PAK5: variants seen among roughly 807,000 people sequenced by gnomAD.
PAK5 encodes serine/threonine-protein kinase PAK 5.
A neutral mutation model predicts 65.9 loss-of-function variants in PAK5; 16 were observed. The observed-to-expected ratio is 0.24, with a 90% CI of 0.16 to 0.37. The LOEUF is 0.37. Among genes scored for constraint, PAK5 ranks in the 10% least tolerant of loss-of-function variants. The probability of loss-of-function intolerance (pLI) is 1.00; values close to 1 mark genes in which losing one functional copy is unlikely to be tolerated. For synonymous variants in PAK5, 371 were observed against 354.9 expected (o/e 1.05, Z -0.51); for missense variants, 785 against 903.9 (o/e 0.87, Z 1.69).
At chr20:9,714,056 A>G (rs2048111532) in intron 1 of PAK5, among the ~76,000 whole-genome samples, 3 of 152,162 alleles carry the variant, frequency 2.0e-5, no homozygotes, top group Admixed American at 2.0e-4. Flanking sequence ...GAGGTGATGG[A>G]TATCTCAATT....
intron 2 of PAK5, among the ~76,000 whole-genome samples, chr20:9,686,923 T>C (rs543874193): frequency 2.3e-4 from 35 of 152,210 alleles, no homozygotes; most frequent in African/African-American, 7.2e-4. Context: ...GAAAGCTAAT[T>C]AAGGGTGAGC....
intron 2 of PAK5, among the ~76,000 whole-genome samples, chr20:9,699,889 A>G (rs1473050244): frequency 1.3e-5 from 2 of 152,114 alleles, no homozygotes; most frequent in Non-Finnish European, 2.9e-5. Context: ...CCTATGGCAA[A>G]TGGGGATACT....
At chr20:9,803,085 T>C (rs1321345016) in intron 1 of PAK5, among the ~76,000 whole-genome samples, 2 of 151,158 alleles carry the variant, frequency 1.3e-5, no homozygotes, top group African/African-American at 4.9e-5. Context: ...GAAGACACTA[T>C]TATTTGAAGA....
intron 1 of PAK5, among the ~76,000 whole-genome samples, chr20:9,787,922 A>G (rs1208002614): frequency 6.6e-6 from 1 of 152,038 alleles, no homozygotes; most frequent in Non-Finnish European, 1.5e-5. Context: ...GTATGTTTAC[A>G]TAATTTAATT....
intron 1 of PAK5, among the ~76,000 whole-genome samples, chr20:9,798,392 T>C (rs1323726466): frequency 6.6e-6 from 1 of 152,158 alleles, no homozygotes; most frequent in Admixed American, 6.6e-5. Flanking sequence ...GAGGTTAGAC[T>C]GTACAGGATT....
chr20:9,769,272 A>T (rs932628866), intron 1 of PAK5, among the ~76,000 whole-genome samples: 1 of 152,218 alleles, frequency 6.6e-6, no homozygotes, highest in African/African-American at 2.4e-5. Flanking sequence ...TGTGGAGATG[A>T]AGCTGTCTTC....
At chr20:9,673,280 G>A (rs949979880) in intron 2 of PAK5, among the ~76,000 whole-genome samples, 2 of 151,876 alleles carry the variant, frequency 1.3e-5, no homozygotes, top group African/African-American at 2.4e-5. Context: ...GAAAAAAAAA[G>A]AATTAAAAAA....
intron 1 of PAK5, among the ~76,000 whole-genome samples, chr20:9,786,333 A>C (rs2048992127): frequency 6.6e-6 from 1 of 152,068 alleles, no homozygotes; most frequent in Non-Finnish European, 1.5e-5. Flanking sequence ...GGCCCCCAGG[A>C]AGTGCTCAAC....
At chr20:9,624,109 C>A (rs886075997) in intron 3 of PAK5, among the ~76,000 whole-genome samples, 3 of 152,098 alleles carry the variant, frequency 2.0e-5, no homozygotes, top group Non-Finnish European at 4.4e-5. Context: ...CAATATTAGA[C>A]AATAAAATAT....
At chr20:9,760,577 GA>G (rs5840330) in intron 1 of PAK5, among the ~76,000 whole-genome samples, 32,758 of 119,846 alleles carry the variant, frequency 0.27, 3,720 homozygotes, top group Middle Eastern at 0.36. Flanking sequence ...TGATGGTTGA[GA>G]AAAAAAAAAA....
rs2123016909 is a variant in PAK5 at position 9,580,646 on chromosome 20, G to A, written c.489C>T (p.Ser163=). 1 of 1,613,996 alleles carries A rather than the reference G, an allele frequency of 6.2e-7. No homozygotes were observed. The highest frequency in any genetic ancestry group is 1.3e-5 in the African/African-American group (1 of 74,988). ...CGTGCCCATTTTGCTTGGCTGCGTG[G>A]CTGCCTCTATAATACGGATCCAGAT... ...GDDLDPYYRG[S]HAAKQNGHVM... The change falls in exon 4 of 10, where the codon AGC becomes AGT. Residue 163 remains serine (S), a synonymous_variant. Transcript: ENST00000353224.
intron 2 of PAK5, among the ~76,000 whole-genome samples, chr20:9,666,438 GA>G (rs113311085): frequency 0.53 from 71,199 of 134,590 alleles, 19,503 homozygotes; most frequent in East Asian, 0.81. Context: ...AAGGCGGAAT[GA>G]AAAAAAAAAA....
intron 1 of PAK5, among the ~76,000 whole-genome samples, chr20:9,800,738 A>T (rs1445460351): frequency 6.6e-6 from 1 of 152,074 alleles, no homozygotes; most frequent in Non-Finnish European, 1.5e-5. Flanking sequence ...AGTTGCAAAC[A>T]TCAACCTGCT....
intron 1 of PAK5, among the ~76,000 whole-genome samples, chr20:9,818,528 C>G (rs994635559): frequency 3.3e-5 from 5 of 152,188 alleles, no homozygotes; most frequent in African/African-American, 1.2e-4. Context: ...AAGGATGAAT[C>G]TTGGTGGAGA....
Position 9,838,500 on chromosome 20 carries a change from C to T in PAK5, c.-162+262G>A, listed in dbSNP as rs1474905525. ...TCCCGCCCAGCAAAATGGAACCATC[C>T]TTTATTTGGTTGGTAGAGAGCCCAG... On this transcript the variant is annotated intron_variant, in intron 1 of 9. Coordinates refer to ENST00000353224, the MANE Select transcript of PAK5 (RefSeq NM_177990.4). The surrounding 1 kb of genome is among the most constrained non-coding windows in gnomAD (Gnocchi z 4.5). 6.6e-6 allele frequency among the ~76,000 whole-genome samples: 1 copy of T among 152,114 alleles called. No homozygotes were observed. Among genetic ancestry groups the T allele is most frequent in the Non-Finnish European group, 1.5e-5 (1 of 68,006 alleles).
intron 4 of PAK5, among the ~76,000 whole-genome samples, chr20:9,572,328 G>T (rs1300889858): frequency 6.6e-6 from 1 of 152,036 alleles, no homozygotes; most frequent in Non-Finnish European, 1.5e-5. Flanking sequence ...TCATAGTCAT[G>T]TAAGTGTTCC....
intron 1 of PAK5, among the ~76,000 whole-genome samples, chr20:9,820,862 T>C (rs184251059): frequency 3.4e-4 from 16 of 47,300 alleles, no homozygotes; most frequent in Middle Eastern, 9.3e-3. Flanking sequence ...ACTGTAACAC[T>C]CAGGTTCAAC....
Position 9,767,247 on chromosome 20 carries a change from G to T in PAK5, c.-161-55812C>A, listed in dbSNP as rs1433857525. 2.0e-5 allele frequency among the ~76,000 whole-genome samples: 3 copies of T among 152,286 alleles called. No homozygotes were observed. In the East Asian group the frequency reaches 5.8e-4, roughly 29 times the overall value. The stretch of plus-strand genomic sequence containing the variant: ...TATTGCATGGAGGAAAATTTTGAAA[G>T]ATGAGATCATAAAGGAGAATAATTA... On this transcript the variant is annotated intron_variant, in intron 1 of 9. Transcript: ENST00000353224.
intron 3 of PAK5, among the ~76,000 whole-genome samples, chr20:9,628,956 T>C (rs2146210): frequency 0.9 from 136,875 of 152,260 alleles, 61,670 homozygotes; most frequent in East Asian, 0.99. Context: ...GTGTGCTCCA[T>C]GTGATCTCAG....
Sources: allele counts gnomAD v4.1 joint callset (sites outside exome capture counted in the v4.1 genomes callset), GRCh38; gene constraint gnomAD v4.1.1; non-coding constraint Gnocchi (gnomAD v3.1); transcripts MANE v1.5; gene names NCBI Gene and HGNC (gene_info 2026-07-23, HGNC 2026-07-21).